Variants in LRRC3C observed in about 807,000 individuals in gnomAD.
LRRC3C encodes the protein leucine rich repeat containing 3C.
LRRC3C carries 11 observed loss-of-function variants against 14.8 expected under a neutral mutation model. The ratio of observed to expected loss-of-function variants is 0.74; its 90% CI spans 0.47 to 1.23. LRRC3C has a LOEUF of 1.23. LRRC3C is among the 50% of genes most tolerant of loss of function. The pLI is 0.00. For missense variants in LRRC3C, 354 were observed against 361.8 expected, an observed-to-expected ratio of 0.98 and a Z score of 0.18; for synonymous variants, 149 against 161.5, an observed-to-expected ratio of 0.92 and a Z score of 0.59.
At chr17:39,931,483 T>G (rs992350586) in intron 1 of LRRC3C, among the ~76,000 whole-genome samples, 1 of 145,348 alleles carries the variant, frequency 6.9e-6, no homozygotes, top group East Asian at 2.1e-4. Context: ...CTTTCAGACA[T>G]ACATACATAC....
At chr17:39,930,867 C>T (rs1053148225) in intron 1 of LRRC3C, among the ~76,000 whole-genome samples, 1 of 151,872 alleles carries the variant, frequency 6.6e-6, no homozygotes, top group Non-Finnish European at 1.5e-5. Flanking sequence ...CATGGCTGGG[C>T]GTGGTAGCTC....
intron 3 of LRRC3C, among the ~76,000 whole-genome samples, chr17:39,942,893 C>A (rs1053739723): frequency 2.6e-5 from 4 of 152,204 alleles, no homozygotes; most frequent in African/African-American, 9.7e-5. Context: ...CCCGCCAGGC[C>A]TGCCAAGCAG....
intron 2 of LRRC3C, among the ~76,000 whole-genome samples, chr17:39,937,596 G>A (rs1292842051): frequency 6.6e-6 from 1 of 152,058 alleles, no homozygotes; most frequent in Non-Finnish European, 1.5e-5. Context: ...CTCCATCCAC[G>A]CAGTGATCTG....
At chr17:39,939,528 A>G in intron 2 of LRRC3C, 1 of 487,244 alleles carries the variant, frequency 2.1e-6, no homozygotes, top group Non-Finnish European at 2.7e-6. Context: ...ATGAAGCCCC[A>G]GCATAACTAA....
At chr17:39,933,334 T>A (rs1406618628) in intron 1 of LRRC3C, among the ~76,000 whole-genome samples, 1 of 152,072 alleles carries the variant, frequency 6.6e-6, no homozygotes, top group Non-Finnish European at 1.5e-5. Context: ...GGGCCTCTGC[T>A]TGTGAGACAT....
rs1010744934 is a variant in LRRC3C, at chr17:39,944,022, G to T, written c.116G>T (p.Gly39Val). Reference protein sequence around the residue: ...LLPLLLVIGTGGTVPSPQVPP... With the variant: ...LLPLLLVIGTVGTVPSPQVPP... ...CCCCTCCTGCTGGTGATAGGCACAG[G>T]GGGTACTGTGCCCAGCCCCCAGGTG... The change falls in exon 4 of 4, where the codon GGG becomes GTG. Residue 39 changes from glycine (G) to valine (V), a missense_variant. Gly to Val is a moderately radical substitution (Grantham distance 109, BLOSUM62 -3). Coordinates refer to ENST00000377924, the MANE Select transcript of LRRC3C (RefSeq NM_001195545.2). 1.3e-6 allele frequency: 2 copies of T among 1,536,020 alleles called. No homozygotes were observed. The highest frequency in any genetic ancestry group is 1.7e-6 in the Non-Finnish European group (2 of 1,146,820).
Position 39,944,659 on chromosome 17 carries a change from C to T in LRRC3C, c.753C>T (p.Thr251=). The T allele has an allele frequency of 6.5e-7, 1 of 1,535,988 alleles. No homozygotes were observed. Among genetic ancestry groups the T allele is most frequent in the Non-Finnish European group, 8.7e-7 (1 of 1,146,872 alleles). ...ATGTGTGGCAGAACCGAGATGAGAC[C>T]AGGCGCTCCCTCAAGCGGGCCCCAG... ...VHYVWQNRDE[T]RRSLKRAPVL... is the part of the protein sequence containing the mutation. Residue 251 remains threonine (T), a synonymous_variant, in exon 4 of 4, where the codon ACC becomes ACT. Transcript: ENST00000377924.
intron 1 of LRRC3C, 199 bp downstream of exon 1, chr17:39,928,013 C>A (rs767530704): frequency 1.4e-5 from 5 of 349,330 alleles, no homozygotes; most frequent in Admixed American, 6.4e-5. Context: ...CGCCCTGGCC[C>A]CAGATTGGCT....
chr17:39,934,256 T>C (rs138584043), intron 1 of LRRC3C, among the ~76,000 whole-genome samples: 1 of 152,322 alleles, frequency 6.6e-6, no homozygotes, highest in African/African-American at 2.4e-5. Context: ...CTGCATATTC[T>C]TTGATATGGA....
intron 2 of LRRC3C, among the ~76,000 whole-genome samples, chr17:39,938,947 T>C (rs1172270562): frequency 3.3e-5 from 5 of 150,818 alleles, no homozygotes; most frequent in Admixed American, 6.6e-5. Context: ...GATCATGCAA[T>C]TGCACTCCAG....
At chr17:39,943,326 C>T (rs180904952) in intron 3 of LRRC3C, among the ~76,000 whole-genome samples, 142 of 151,968 alleles carry the variant, frequency 9.3e-4, no homozygotes, top group Non-Finnish European at 1.6e-3. Context: ...TGGAGGAGGA[C>T]GGGGAGGAGG....
chr17:39,944,479 C>T lies in LRRC3C; in HGVS notation c.573C>T (p.Ala191=). Residue 191 remains alanine, a synonymous_variant, in exon 4 of 4, where the codon GCC becomes GCT. Coordinates refer to ENST00000377924, the MANE Select transcript of LRRC3C (RefSeq NM_001195545.2). ...CAGGCATCGTGTGTGGCTCAGGAGC[C>T]CGACCGGACCTCGTGGGGCAGGAGT... is the stretch of plus-strand genomic sequence containing the variant. ...TGTGIVCGSG[A]RPDLVGQEFL... The T allele has an allele frequency of 6.7e-7, 1 of 1,486,484 alleles. No individual in the cohort carries two copies. The highest frequency in any genetic ancestry group is 8.9e-7 in the Non-Finnish European group (1 of 1,120,106). 92.1% of individuals were successfully genotyped at this position (1,486,484 alleles called of 1,614,324 possible).
chr17:39,944,576 GC>G lies in LRRC3C; in HGVS notation c.673del (p.Leu225CysfsTer9). ...WGGARRSTDV[A>X]LLVTMGGWLT... is the part of the protein sequence containing the mutation. ...TGGGGCCCGGAGGAGCACCGATGTG[GC>G]CCTGCTGGTCACCATGGGGGGCTGG... On this transcript the variant is annotated frameshift_variant, in exon 4 of 4. Transcript: ENST00000377924. LOFTEE classifies it high-confidence loss of function. 6.5e-7 allele frequency: 1 copy of G among 1,533,822 alleles called. No homozygotes were observed. The highest frequency in any genetic ancestry group is 8.7e-7 in the Non-Finnish European group (1 of 1,145,798).
intron 2 of LRRC3C, 23 bp from the exon 3 acceptor site, chr17:39,941,420 C>A (rs1347496878): frequency 6.1e-6 from 5 of 815,790 alleles, no homozygotes; most frequent in East Asian, 2.8e-5. Flanking sequence ...CCCACACACA[C>A]CCCATTTTTA....
rs924450290 is a variant in LRRC3C, at chr17:39,941,559, T to A, written c.26+10T>A. The A allele has an allele frequency of 6.5e-7, 1 of 1,535,218 alleles. No individual in the cohort carries two copies. The highest frequency in any genetic ancestry group is 8.7e-7 in the Non-Finnish European group (1 of 1,146,310). On this transcript the variant is annotated intron_variant, in intron 3 of 3. Coordinates refer to ENST00000377924, the MANE Select transcript of LRRC3C (RefSeq NM_001195545.2). The stretch of plus-strand genomic sequence containing the variant: ...CCTCATCTTCCTTCGTGTAAGTATA[T>A]CCACCCCTAGTCTCTGTGACACCCC...
At chr17:39,940,032 TC>T (rs1338403049) in intron 2 of LRRC3C, among the ~76,000 whole-genome samples, 1 of 152,238 alleles carries the variant, frequency 6.6e-6, no homozygotes, top group African/African-American at 2.4e-5. Context: ...TGTCCCACAT[TC>T]AGCTACAGTC....
Position 39,941,468 on chromosome 17 carries a change from G to A in LRRC3C, c.-56G>A. On this transcript the variant is annotated 5_prime_UTR_variant, in exon 3 of 4. Coordinates refer to ENST00000377924, the MANE Select transcript of LRRC3C (RefSeq NM_001195545.2). ...CTCTACAATTCCGTGTCCAGTCCTG[G>A]TCACCCATAGTCTTCCAAAATCCAG... is the stretch of plus-strand genomic sequence containing the variant. The A allele has an allele frequency of 6.8e-7, 1 of 1,461,048 alleles. No homozygotes were observed. Among genetic ancestry groups the A allele is most frequent in the South Asian group, 1.2e-5 (1 of 82,388 alleles). The allele number at this position is 1,461,048 out of a possible 1,614,324, so 90.5% of individuals were successfully genotyped here. A position where few individuals can be genotyped will look rare whatever the true frequency, so the allele number is the denominator to read the frequency against.
chr17:39,941,722 A>G (rs542936606), intron 3 of LRRC3C, among the ~76,000 whole-genome samples, 173 bp downstream of exon 3: 2 of 152,296 alleles, frequency 1.3e-5, no homozygotes, highest in South Asian at 4.1e-4. Flanking sequence ...GCACAGAGGT[A>G]AGAGCTGCTA....
At chr17:39,939,528 A>T in intron 2 of LRRC3C, 2 of 487,244 alleles carry the variant, frequency 4.1e-6, no homozygotes, top group Non-Finnish European at 5.3e-6. Flanking sequence ...ATGAAGCCCC[A>T]GCATAACTAA....
Sources: gnomAD v4.1 joint callset for allele counts (sites outside exome capture counted in the v4.1 genomes callset) on GRCh38, gnomAD v4.1.1 for gene constraint, MANE v1.5 for transcripts, NCBI Gene and HGNC (gene_info 2026-07-23, HGNC 2026-07-21) for gene names.